Variants in NRXN3 observed in about 807,000 individuals in gnomAD.
NRXN3 encodes neurexin 3, also known as neurexin III.
Under a neutral mutation model 137.6 loss-of-function variants are expected in NRXN3, and 32 were observed. The ratio of observed to expected loss-of-function variants is 0.23; its 90% confidence interval spans 0.18 to 0.31. NRXN3 has a LOEUF of 0.31. NRXN3 is among the 10% of genes least tolerant of loss of function. NRXN3 has a pLI of 1.00. For synonymous variants in NRXN3, 798 were observed against 784.5 expected (o/e 1.02, Z -0.29); for missense variants, 1,574 against 2,062.5 (o/e 0.76, Z 4.59).
At chr14:79,218,612 T>A (rs2068955776) in intron 15 of NRXN3, among the ~76,000 whole-genome samples, 1 of 152,136 alleles carries the variant, frequency 6.6e-6, no homozygotes, top group South Asian at 2.1e-4. Context: ...AGGACAAGTC[T>A]GAGACTCAAA....
chr14:79,026,069 G>A (rs967314711), intron 15 of NRXN3, among the ~76,000 whole-genome samples: 1 of 152,130 alleles, frequency 6.6e-6, no homozygotes, highest in Admixed American at 6.6e-5. Flanking sequence ...GGGAAGCTAG[G>A]AAATTGAGTT....
At chr14:78,797,680 T>G (rs2098826236) in intron 8 of NRXN3, among the ~76,000 whole-genome samples, 1 of 152,124 alleles carries the variant, frequency 6.6e-6, no homozygotes. Context: ...ATTGTATTAG[T>G]CTGTTCTCAT....
At chr14:78,750,142 T>G (rs1158385224) in intron 8 of NRXN3, among the ~76,000 whole-genome samples, 1 of 152,194 alleles carries the variant, frequency 6.6e-6, no homozygotes, top group Non-Finnish European at 1.5e-5. Flanking sequence ...AGCCCACCAC[T>G]GCAAAAGTGT....
chr14:78,641,696 C>T (rs1379417120), intron 4 of NRXN3, among the ~76,000 whole-genome samples: 1 of 152,278 alleles, frequency 6.6e-6, no homozygotes, highest in Non-Finnish European at 1.5e-5. Flanking sequence ...AAGAGGTAAA[C>T]TGAGAAAATT....
At chr14:78,651,463 G>A (rs1179454395) in intron 6 of NRXN3, 137 bp downstream of exon 6, 7 of 1,027,050 alleles carry the variant, frequency 6.8e-6, no homozygotes, top group East Asian at 2.6e-5. Context: ...CTTGAACTTG[G>A]AAGTAGGTGT....
chr14:79,079,274 C>CGTTT (rs2046484175), intron 15 of NRXN3, among the ~76,000 whole-genome samples: 1 of 3,468 alleles, frequency 2.9e-4, no homozygotes, highest in Non-Finnish European at 6.7e-4. Context: ...CAAATAAATT[C>CGTTT]CTTTGTGAAA....
Position 78,588,296 on chromosome 14 carries a change from A to ATACC in NRXN3, c.758-56822_758-56819dup, listed in dbSNP as rs546478661. ...CTGAATGTTCCACCCTCATCATGTT[A>ATACC]TACCTTTCTATCCTTTGCATATATT... On this transcript the variant is annotated intron_variant, in intron 4 of 20. Coordinates refer to ENST00000335750, the MANE Select transcript of NRXN3 (RefSeq NM_001330195.2). 1.1e-3 allele frequency among the ~76,000 whole-genome samples: 168 copies of ATACC among 152,344 alleles called. 1 individual carries two copies. The Middle Eastern group carries it at 0.031, about 28-fold the overall frequency.
intron 15 of NRXN3, among the ~76,000 whole-genome samples, chr14:79,030,635 C>CTTTTTTTTTTTTTTT: frequency 1.6e-3 from 87 of 54,234 alleles, no homozygotes; most frequent in East Asian, 3.4e-3. Flanking sequence ...TTCTCTGTGT[C>CTTTTTTTTTTTTTTT]TTTTTTTTTT....
At chr14:78,408,485 A>T (rs1044549732) in intron 4 of NRXN3, among the ~76,000 whole-genome samples, 1 of 152,204 alleles carries the variant, frequency 6.6e-6, no homozygotes, top group African/African-American at 2.4e-5. Flanking sequence ...TTGGTGGTGA[A>T]TCTCTTTCAC....
At chr14:78,201,949 G>A (rs2061721728) in intron 1 of NRXN3, among the ~76,000 whole-genome samples, 5 of 152,242 alleles carry the variant, frequency 3.3e-5, no homozygotes, top group East Asian at 3.9e-4. Flanking sequence ...TCGCCAGGGC[G>A]GAAATTGGCT....
intron 15 of NRXN3, among the ~76,000 whole-genome samples, chr14:79,247,824 GT>G (rs963979543): frequency 2.6e-5 from 4 of 151,780 alleles, no homozygotes; most frequent in Non-Finnish European, 5.9e-5. Flanking sequence ...AAACCCAGGA[GT>G]TTTTCCACCT....
In NRXN3 at chr14:79,279,250, G is replaced by A. The variant is rs78633132; in HGVS notation, c.3263-187971G>A. 3.5e-3 allele frequency: 2,349 copies of A among 667,260 alleles called. 56 individuals are homozygous for A. The African/African-American group carries it at 0.043, about 12-fold the overall frequency. 41.3% of individuals were successfully genotyped at this position (667,260 alleles called of 1,614,324 possible). On this transcript the variant is annotated intron_variant, in intron 15 of 20. Transcript: ENST00000335750. The stretch of plus-strand genomic sequence containing the variant: ...ATGGGAAGGGCCGGGATTCCGGGTC[G>A]CTCTGGCCCCTCCTTCCTCCGGAGC...
intron 10 of NRXN3, among the ~76,000 whole-genome samples, chr14:78,853,434 T>C (rs1195442266): frequency 6.6e-6 from 1 of 152,206 alleles, no homozygotes; most frequent in Non-Finnish European, 1.5e-5. Flanking sequence ...GTTGCATAGC[T>C]AAATATGTGT....
intron 10 of NRXN3, among the ~76,000 whole-genome samples, chr14:78,857,246 C>T (rs987089769): frequency 3.3e-5 from 5 of 151,846 alleles, no homozygotes; most frequent in Admixed American, 1.3e-4. Context: ...TTAAGACATC[C>T]GAATGTGTAG....
At chr14:78,382,835 G>C (rs1348124790) in intron 4 of NRXN3, among the ~76,000 whole-genome samples, 2 of 152,170 alleles carry the variant, frequency 1.3e-5, no homozygotes, top group African/African-American at 4.8e-5. Flanking sequence ...CCTGGGGCTT[G>C]TGAGGCTGGA....
intron 8 of NRXN3, among the ~76,000 whole-genome samples, chr14:78,797,461 A>T (rs1009332042): frequency 2.0e-5 from 3 of 152,226 alleles, no homozygotes; most frequent in African/African-American, 7.2e-5. Context: ...TGTTCAAATA[A>T]CTAAAGGAAA....
At chr14:78,295,731 A>G (rs899620436) in intron 3 of NRXN3, among the ~76,000 whole-genome samples, 2 of 152,160 alleles carry the variant, frequency 1.3e-5, no homozygotes, top group African/African-American at 4.8e-5. Context: ...GTTTTTTAAT[A>G]ACCATCTCCA....
At chr14:79,215,845 CAAT>C (rs1233204161) in intron 15 of NRXN3, among the ~76,000 whole-genome samples, 5 of 152,020 alleles carry the variant, frequency 3.3e-5, no homozygotes, top group Admixed American at 1.3e-4. Context: ...AAAGTAGAAA[CAAT>C]AAAAAAACAC....
chr14:79,376,214 GTATATATA>G (rs1159913935), intron 15 of NRXN3, among the ~76,000 whole-genome samples: 4,575 of 70,634 alleles, frequency 0.065, 179 homozygotes, highest in South Asian at 0.074. Flanking sequence ...GTGTGTGTAT[GTATATATA>G]TATATATATA....
Sources: gnomAD v4.1 joint callset for allele counts (sites outside exome capture counted in the v4.1 genomes callset) on GRCh38, gnomAD v4.1.1 for gene constraint, MANE v1.5 for transcripts, NCBI Gene and HGNC (gene_info 2026-07-23, HGNC 2026-07-21) for gene names.